XXYLT1: variants seen among roughly 807,000 people sequenced by gnomAD.
XXYLT1 encodes the protein UDP-xylose:alpha-xyloside alpha-1,3-xylosyltransferase.
Under a neutral mutation model 28.9 loss-of-function variants are expected in XXYLT1, and 20 were observed. The observed-to-expected ratio is 0.69, with a 90% CI of 0.49 to 1.00. The LOEUF (loss-of-function observed/expected upper bound fraction) is 1.00, where lower values mean the gene tolerates loss of function less well. XXYLT1 is among the 50% of genes least tolerant of loss of function. The pLI is 0.00. For synonymous variants in XXYLT1, 257 were observed against 253.8 expected, an observed-to-expected ratio of 1.01 and a Z score of -0.12; for missense variants, 542 against 560.1, an observed-to-expected ratio of 0.97 and a Z score of 0.33.
chr3:195,180,592 A>C lies in XXYLT1; in HGVS notation c.653-24011T>G. The C allele has an allele frequency of 1.0e-6, 1 of 981,360 alleles. No individual in the cohort carries two copies. Among genetic ancestry groups the C allele is most frequent in the South Asian group, 4.7e-5 (1 of 21,192 alleles). 60.8% of individuals were successfully genotyped at this position (981,360 alleles called of 1,614,324 possible). A position where few individuals can be genotyped will look rare whatever the true frequency, so the allele number is the denominator to read the frequency against. ...TAAGGCCCTTCCCAGCCCTCTCCAGAGCGTGATGTGGCCCCGTCTGGCTAA... is the reference window on the plus strand; with the variant it reads ...TAAGGCCCTTCCCAGCCCTCTCCAGCGCGTGATGTGGCCCCGTCTGGCTAA... On this transcript the variant is annotated intron_variant, in intron 2 of 3. Transcript: ENST00000310380. This position sits in a 1 kb window ranked among gnomAD's most constrained non-coding sequence, Gnocchi z 5.8.
At chr3:195,148,794 A>G (rs1363785519) in intron 3 of XXYLT1, among the ~76,000 whole-genome samples, 1 of 152,222 alleles carries the variant, frequency 6.6e-6, no homozygotes, top group Non-Finnish European at 1.5e-5. Flanking sequence ...ACAGAGTGAC[A>G]CTATGAGCTC....
chr3:195,187,133 G>A (rs1722234267), intron 2 of XXYLT1, among the ~76,000 whole-genome samples: 2 of 151,308 alleles, frequency 1.3e-5, no homozygotes, highest in African/African-American at 2.4e-5. Flanking sequence ...AGCTACTCGG[G>A]AGGCTGAGGC....
chr3:195,192,114 C>T (rs1234559989), intron 2 of XXYLT1, among the ~76,000 whole-genome samples: 2 of 152,176 alleles, frequency 1.3e-5, no homozygotes, highest in Non-Finnish European at 2.9e-5. Flanking sequence ...GGCCACAAAA[C>T]AAGTCTCAAT....
intron 3 of XXYLT1, among the ~76,000 whole-genome samples, chr3:195,098,242 T>A (rs56371459): frequency 0.2 from 30,723 of 152,108 alleles, 3,511 homozygotes; most frequent in East Asian, 0.53. Flanking sequence ...TTAATGCCAG[T>A]GACTGTACAC....
rs565945197 is a variant in XXYLT1 at position 195,084,713 on chromosome 3, C to T, written c.786-14602G>A. Among the ~76,000 whole-genome samples the T allele has an allele frequency of 9.8e-5, 15 of 152,338 alleles. No homozygotes were observed. The South Asian group carries it at 3.1e-3, about 32-fold the overall frequency. ...GTTCTAGGCAAAACTCCCACCACTACACACGATCACAGGACTCCATCGGCC... is the reference window on the plus strand; with the variant it reads ...GTTCTAGGCAAAACTCCCACCACTATACACGATCACAGGACTCCATCGGCC... On this transcript the variant is annotated intron_variant, in intron 3 of 3. Coordinates refer to ENST00000310380, the MANE Select transcript of XXYLT1 (RefSeq NM_152531.5).
chr3:195,083,089 G>A (rs1715528434), intron 3 of XXYLT1, among the ~76,000 whole-genome samples: 1 of 152,186 alleles, frequency 6.6e-6, no homozygotes, highest in Non-Finnish European at 1.5e-5. Context: ...AGACAAAACA[G>A]GATAGAGCGC....
chr3:195,243,293 G>C (rs748635829), intron 1 of XXYLT1, among the ~76,000 whole-genome samples: 2 of 151,476 alleles, frequency 1.3e-5, no homozygotes, highest in Non-Finnish European at 2.9e-5. Flanking sequence ...ACACCATCAT[G>C]GCACATGTAT....
chr3:195,182,902 G>T (rs779359156), intron 2 of XXYLT1, among the ~76,000 whole-genome samples: 1 of 152,070 alleles, frequency 6.6e-6, no homozygotes, highest in Non-Finnish European at 1.5e-5. Context: ...CTGTACTAAC[G>T]TATGTACCAA....
At position 195,078,102 on chromosome 3, in the gene XXYLT1, T is replaced by C. The variant is rs1446825566; in HGVS notation, c.786-7991A>G. 5.3e-5 allele frequency among the ~76,000 whole-genome samples: 8 copies of C among 152,156 alleles called. No individual in the cohort carries two copies. The East Asian group carries it at 1.6e-3, about 29-fold the overall frequency. ...CAGACGGCGGAGCCAGAAACAGCCA[T>C]GGCGGAGCTGGGAGGAGTGGGTGTG... On this transcript the variant is annotated intron_variant, in intron 3 of 3. Transcript: ENST00000310380. The surrounding 1 kb of genome is among the most constrained non-coding windows in gnomAD (Gnocchi z 5.0).
Position 195,069,563 on chromosome 3 carries a change from G to A in XXYLT1, c.*152C>T. ...GTCCTTGGCGGGTGGCCTCAGCACA[G>A]TGACCTGCCCGGCAGGAGGTCTCAG... On this transcript the variant is annotated 3_prime_UTR_variant, in exon 4 of 4. Transcript: ENST00000310380. 2 of 1,195,472 alleles carry A rather than the reference G, an allele frequency of 1.7e-6. No individual in the cohort carries two copies. The highest frequency in any genetic ancestry group is 1.2e-6 in the Non-Finnish European group (1 of 862,244). 74.1% of individuals were successfully genotyped at this position (1,195,472 alleles called of 1,614,324 possible). A position where few individuals can be genotyped will look rare whatever the true frequency, so the allele number is the denominator to read the frequency against.
intron 1 of XXYLT1, among the ~76,000 whole-genome samples, chr3:195,261,063 A>T (rs186357905): frequency 6.6e-6 from 1 of 152,328 alleles, no homozygotes; most frequent in Admixed American, 6.5e-5. Context: ...ACCTGCTCTC[A>T]GCCTCAGGGA....
At chr3:195,155,226 CCT>C (rs1720501583) in intron 3 of XXYLT1, among the ~76,000 whole-genome samples, 1 of 152,244 alleles carries the variant, frequency 6.6e-6, no homozygotes. Flanking sequence ...CTCTTCACCC[CCT>C]CTTTCTGAGG....
chr3:195,176,981 G>A lies in XXYLT1; in HGVS notation c.653-20400C>T, dbSNP rs116325172. Among the ~76,000 whole-genome samples, 3,244 of 152,286 alleles carry A rather than the reference G, an allele frequency of 0.021. 111 individuals are homozygous for A. Among genetic ancestry groups the A allele is most frequent in the African/African-American group, 0.075 (3,109 of 41,538 alleles). On this transcript the variant is annotated intron_variant, in intron 2 of 3. Coordinates refer to ENST00000310380, the MANE Select transcript of XXYLT1 (RefSeq NM_152531.5). The surrounding 1 kb of genome is among the most constrained non-coding windows in gnomAD (Gnocchi z 4.9). ...TGACGTCCCCCCGCCACAGCAGGTC[G>A]GGGACCACATGCCGCCCTCCTCGCT...
intron 3 of XXYLT1, among the ~76,000 whole-genome samples, chr3:195,117,803 A>G (rs1718126071): frequency 6.6e-6 from 1 of 152,170 alleles, no homozygotes; most frequent in African/African-American, 2.4e-5. Context: ...ACATGCCAAT[A>G]AGTGTAAAGG....
In XXYLT1 at chr3:195,180,269, T is replaced by A. The variant is rs1721885649; in HGVS notation, c.653-23688A>T. 1 of 964,926 alleles carries A rather than the reference T, an allele frequency of 1.0e-6. No homozygotes were observed. 59.8% of individuals were successfully genotyped at this position (964,926 alleles called of 1,614,324 possible). A position where few individuals can be genotyped will look rare whatever the true frequency, so the allele number is the denominator to read the frequency against. On this transcript the variant is annotated intron_variant, in intron 2 of 3. Coordinates refer to ENST00000310380, the MANE Select transcript of XXYLT1 (RefSeq NM_152531.5). The surrounding 1 kb of genome is among the most constrained non-coding windows in gnomAD (Gnocchi z 5.8). The stretch of plus-strand genomic sequence containing the variant: ...CGGGGGTGGTGAGTGGCACACTCGG[T>A]CCCCCAGTTACAGGAAAGGTCCCTT...
At chr3:195,172,001 C>A (rs1428491113) in intron 2 of XXYLT1, among the ~76,000 whole-genome samples, 1 of 152,184 alleles carries the variant, frequency 6.6e-6, no homozygotes, top group African/African-American at 2.4e-5. Context: ...ACGCTGAACA[C>A]GTACCAAAAG....
rs543485575 is a variant in XXYLT1 at position 195,249,417 on chromosome 3, G to A, written c.504+21138C>T. ...AATGGCCACGCGGCTCACACCAGGC[G>A]CATGGCACGTGACAGGCACATGGCA... is the stretch of plus-strand genomic sequence containing the variant. On this transcript the variant is annotated intron_variant, in intron 1 of 3. Transcript: ENST00000310380. 2.3e-4 allele frequency among the ~76,000 whole-genome samples: 35 copies of A among 152,318 alleles called. No individual in the cohort carries two copies. The South Asian group carries it at 5.4e-3, about 23-fold the overall frequency.
intron 2 of XXYLT1, among the ~76,000 whole-genome samples, chr3:195,185,746 C>T (rs1052945414): frequency 6.2e-5 from 9 of 144,190 alleles, no homozygotes; most frequent in African/African-American, 8.8e-5. Flanking sequence ...TTCTTCCTTC[C>T]GGTCCTTCCT....
chr3:195,156,550 G>A lies in XXYLT1; in HGVS notation c.684C>T (p.Asp228=), dbSNP rs1720604440. 6 of 1,614,198 alleles carry A rather than the reference G, an allele frequency of 3.7e-6. No homozygotes were observed. Among genetic ancestry groups the A allele is most frequent in the East Asian group, 2.2e-5 (1 of 44,880 alleles). The stretch of plus-strand genomic sequence containing the variant: ...CCCGGATGTTGGTCTTAAACTTCAG[G>A]TCTAGGTCCAGCTGAATGATCTGCA... The part of the protein sequence containing the change: ...EILQIIQLDL[D]LKFKTNIREL... The change falls in exon 3 of 4, where the codon GAC becomes GAT. Residue 228 remains aspartate (D), a synonymous_variant. Transcript: ENST00000310380.
Sources: allele counts gnomAD v4.1 joint callset (sites outside exome capture counted in the v4.1 genomes callset), GRCh38; gene constraint gnomAD v4.1.1; non-coding constraint Gnocchi (gnomAD v3.1); transcripts MANE v1.5; gene names NCBI Gene and HGNC (gene_info 2026-07-23, HGNC 2026-07-21).